The following WAPL variants were observed in gnomAD, a reference collection of about 807,000 sequenced individuals.
WAPL encodes WAPL cohesin release factor.
A neutral mutation model predicts 121.0 loss-of-function variants in WAPL; 5 were observed. That is an observed-to-expected ratio of 0.04 (90% CI 0.02 to 0.09). The LOEUF (loss-of-function observed/expected upper bound fraction) is 0.09, where lower values mean the gene tolerates loss of function less well. Ranked by LOEUF, WAPL falls within the 10% of genes least tolerant of loss-of-function variation. The pLI is 1.00. For synonymous variants in WAPL, 480 were observed against 481.5 expected (o/e 1.00, Z 0.04); for missense variants, 999 against 1,410.8 (o/e 0.71, Z 4.68).
At chr10:86,465,097 G>A (rs1406698196) in intron 9 of WAPL, among the ~76,000 whole-genome samples, 1 of 152,176 alleles carries the variant, frequency 6.6e-6, no homozygotes, top group Non-Finnish European at 1.5e-5. Context: ...AGTCACATCT[G>A]GCTAGCACAA....
intron 4 of WAPL, among the ~76,000 whole-genome samples, chr10:86,490,169 G>A (rs1053269638): frequency 4.6e-5 from 7 of 151,542 alleles, no homozygotes; most frequent in Non-Finnish European, 8.8e-5. Flanking sequence ...AGCCAAGATC[G>A]CGTCGCCACA....
chr10:86,517,354 T>G (rs1438357456), intron 2 of WAPL, among the ~76,000 whole-genome samples: 3 of 152,216 alleles, frequency 2.0e-5, no homozygotes, highest in Admixed American at 2.0e-4. Flanking sequence ...AAACGTACCC[T>G]GCGCAACAGT....
intron 4 of WAPL, among the ~76,000 whole-genome samples, chr10:86,491,903 C>G (rs550518868): frequency 9.2e-5 from 14 of 152,320 alleles, no homozygotes; most frequent in Admixed American, 8.5e-4. Flanking sequence ...ACAATCTACT[C>G]TCTTAGCAAA....
intron 2 of WAPL, among the ~76,000 whole-genome samples, chr10:86,509,442 C>A (rs1189776386): frequency 6.6e-6 from 1 of 152,158 alleles, no homozygotes; most frequent in African/African-American, 2.4e-5. Flanking sequence ...ATCAGCCTTG[C>A]CTACGTACCT....
At chr10:86,460,527 A>C (rs1217408784) in intron 10 of WAPL, 31 bp from the exon 11 acceptor site, 3 of 1,566,322 alleles carry the variant, frequency 1.9e-6, no homozygotes, top group Non-Finnish European at 2.6e-6. Flanking sequence ...GTAAGTTAGT[A>C]TTTATCATCG....
At chr10:86,454,946 G>GC (rs992179103) in intron 12 of WAPL, among the ~76,000 whole-genome samples, 4 of 148,864 alleles carry the variant, frequency 2.7e-5, no homozygotes, top group African/African-American at 7.5e-5. Flanking sequence ...GAAGTGAGGA[G>GC]CCCCTCCGCC....
intron 2 of WAPL, among the ~76,000 whole-genome samples, chr10:86,502,880 C>G (rs1842271531): frequency 6.6e-6 from 1 of 152,222 alleles, no homozygotes; most frequent in South Asian, 2.1e-4. Flanking sequence ...AAATGCTAGG[C>G]CAGGCGTGGT....
At chr10:86,491,418 C>G (rs535704435) in intron 4 of WAPL, among the ~76,000 whole-genome samples, 1 of 152,118 alleles carries the variant, frequency 6.6e-6, no homozygotes, top group South Asian at 2.1e-4. Flanking sequence ...GGATTACAGG[C>G]GTGAGCCACC....
At chr10:86,478,889 GT>G (rs1425803471) in intron 4 of WAPL, among the ~76,000 whole-genome samples, 10 of 152,260 alleles carry the variant, frequency 6.6e-5, no homozygotes, top group African/African-American at 2.2e-4. Flanking sequence ...GAGGTCAGGA[GT>G]TTGAGACCAG....
chr10:86,468,372 G>T (rs1482531588), intron 8 of WAPL, among the ~76,000 whole-genome samples: 1 of 151,726 alleles, frequency 6.6e-6, no homozygotes, highest in Non-Finnish European at 1.5e-5. Context: ...TGATATTTTT[G>T]TATTTTTTGT....
At position 86,437,218 on chromosome 10, in the gene WAPL, C is replaced by A. The variant is rs1201978544; in HGVS notation, c.*325G>T. On this transcript the variant is annotated 3_prime_UTR_variant, in exon 19 of 19. Transcript: ENST00000298767. ...TTGCACTAACAGCAGCACAAATTTT[C>A]CCCTTCAAACTTGCCCAGAATAAAG... 4.4e-6 allele frequency: 1 copy of A among 228,360 alleles called. No homozygotes were observed. Among genetic ancestry groups the A allele is most frequent in the Non-Finnish European group, 8.5e-6 (1 of 117,412 alleles). The allele number at this position is 228,360 out of a possible 1,614,324, so 14.1% of individuals were successfully genotyped here.
chr10:86,435,484 T>C lies in WAPL; in HGVS notation c.*2059A>G. The stretch of plus-strand genomic sequence containing the variant: ...AGAAATATTTACAATGGAAAAAAGG[T>C]TACTTTAAAACTTTTAGTTAAGTCA... On this transcript the variant is annotated 3_prime_UTR_variant, in exon 19 of 19. Transcript: ENST00000298767. The C allele has an allele frequency of 6.6e-6, 1 of 152,588 alleles. No individual in the cohort carries two copies. The highest frequency in any genetic ancestry group is 6.6e-5 in the Admixed American group (1 of 15,260). The allele number at this position is 152,588 out of a possible 1,614,324, so 9.5% of individuals were successfully genotyped here.
At chr10:86,493,060 C>CAA (rs751266999) in intron 4 of WAPL, among the ~76,000 whole-genome samples, 6 of 77,286 alleles carry the variant, frequency 7.8e-5, no homozygotes, top group South Asian at 3.9e-4. Context: ...GACTCCGTCT[C>CAA]AAAAAAAAAA....
intron 4 of WAPL, 91 bp from the exon 5 acceptor site, chr10:86,474,064 G>T: frequency 2.9e-6 from 3 of 1,036,244 alleles, no homozygotes; most frequent in Non-Finnish European, 3.0e-6. Flanking sequence ...GCATAAACAT[G>T]TCCTAGAAAC....
chr10:86,510,032 G>C (rs188304658), intron 2 of WAPL, among the ~76,000 whole-genome samples: 2 of 145,206 alleles, frequency 1.4e-5, no homozygotes, highest in African/African-American at 5.2e-5. Context: ...CCAAACCGAA[G>C]TGCTGGGATT....
chr10:86,494,591 G>A (rs543342222), intron 4 of WAPL, among the ~76,000 whole-genome samples: 17 of 152,190 alleles, frequency 1.1e-4, no homozygotes, highest in Admixed American at 9.8e-4. Context: ...TCTGAGTTTG[G>A]CAGTGGTATT....
In WAPL at chr10:86,517,785, G is replaced by C; in HGVS notation, c.285C>G (p.Ser95=). The change falls in exon 2 of 19, where the codon TCC becomes TCG. Residue 95 remains serine (S), a synonymous_variant. Transcript: ENST00000298767. ...CAGCTTCACTAGATTCTGAATAAGA[G>C]GAACACTTAACCTGGGCTAAATTCT... ...SSKNLAQVKC[S]SYSESSEAAQ... 6.2e-7 allele frequency: 1 copy of C among 1,614,182 alleles called. No homozygotes were observed. The highest frequency in any genetic ancestry group is 1.1e-5 in the South Asian group (1 of 91,082).
intron 4 of WAPL, among the ~76,000 whole-genome samples, chr10:86,488,961 T>C (rs74732779): frequency 1.4e-3 from 215 of 152,310 alleles, no homozygotes; most frequent in East Asian, 9.6e-3. Flanking sequence ...CTTAACCAAG[T>C]GATCAGTTAA....
rs1296756098 is a variant in WAPL at position 86,520,608 on chromosome 10, T to A, written c.-23+757A>T. On this transcript the variant is annotated intron_variant, in intron 1 of 18. Coordinates refer to ENST00000298767, the MANE Select transcript of WAPL (RefSeq NM_015045.5). ...TGTGCAGACGTCCTTGAAGTTAAAT[T>A]TTAAGTGTTTCAAGTACACAATCTT... Among the ~76,000 whole-genome samples, 11 of 152,052 alleles carry A rather than the reference T, an allele frequency of 7.2e-5. No individual in the cohort carries two copies. The South Asian group carries it at 2.3e-3, about 32-fold the overall frequency.
Sources: allele counts gnomAD v4.1 joint callset (sites outside exome capture counted in the v4.1 genomes callset), GRCh38; gene constraint gnomAD v4.1.1; transcripts MANE v1.5; gene names NCBI Gene and HGNC (gene_info 2026-07-23, HGNC 2026-07-21).